Variants in CTNNA2 observed in about 807,000 individuals in gnomAD.
The protein encoded by CTNNA2 is catenin alpha-2.
In CTNNA2, 42 loss-of-function variants were observed where a neutral mutation model predicts 101.0. That is an observed-to-expected ratio of 0.42 (90% CI 0.32 to 0.54). The LOEUF (loss-of-function observed/expected upper bound fraction) is 0.54, where lower values mean the gene tolerates loss of function less well. Ranked by LOEUF, CTNNA2 falls within the 20% of genes least tolerant of loss-of-function variation. CTNNA2 has a pLI of 0.14. For synonymous variants in CTNNA2, 450 were observed against 456.4 expected (o/e 0.99, Z 0.18); for missense variants, 871 against 1,223.1 (o/e 0.71, Z 4.29).
intron 3 of CTNNA2, among the ~76,000 whole-genome samples, chr2:79,857,550 T>C (rs1574146820): frequency 6.6e-6 from 1 of 152,308 alleles, no homozygotes; most frequent in African/African-American, 2.4e-5. Flanking sequence ...TGTTCTTGTC[T>C]GATTAGCTCA....
chr2:79,539,734 T>C (rs73938719), intron 1 of CTNNA2, among the ~76,000 whole-genome samples: 1 of 152,176 alleles, frequency 6.6e-6, no homozygotes, highest in Non-Finnish European at 1.5e-5. Flanking sequence ...TGAAAGACTC[T>C]TGTGGACCAG....
At position 79,909,551 on chromosome 2, in the gene CTNNA2, T is replaced by G. The variant is rs375209107; in HGVS notation, c.853-43T>G. 112 of 1,528,962 alleles carry G rather than the reference T, an allele frequency of 7.3e-5. No individual in the cohort carries two copies. The African/African-American group carries it at 1.4e-3, about 19-fold the overall frequency. 94.7% of individuals were successfully genotyped at this position (1,528,962 alleles called of 1,614,324 possible). A position where few individuals can be genotyped will look rare whatever the true frequency, so the allele number is the denominator to read the frequency against. ...AAAACAGGGTGCCAAGGCAGACCTC[T>G]CTTCTCTGCTGATTTTTGTGTGTGT... On this transcript the variant is annotated intron_variant, in intron 6 of 18. Coordinates refer to ENST00000402739, the MANE Select transcript of CTNNA2 (RefSeq NM_001282597.3).
intron 7 of CTNNA2, among the ~76,000 whole-genome samples, chr2:80,099,936 T>G (rs10192968): frequency 1.1e-3 from 166 of 152,166 alleles, no homozygotes; most frequent in African/African-American, 3.7e-3. Context: ...CTTTATTTTT[T>G]TTGTTGTTGT....
chr2:80,209,539 G>A (rs759006052), intron 7 of CTNNA2, among the ~76,000 whole-genome samples: 5 of 151,806 alleles, frequency 3.3e-5, no homozygotes, highest in Non-Finnish European at 5.9e-5. Context: ...CTCCATAACC[G>A]ATGTTCAGAT....
intron 4 of CTNNA2, among the ~76,000 whole-genome samples, chr2:79,451,846 A>G (rs1207175596): frequency 5.3e-5 from 8 of 151,794 alleles, no homozygotes; most frequent in African/African-American, 1.9e-4. Context: ...TATAGTGAAT[A>G]TTATATTTTG....
chr2:80,143,899 GAT>G (rs1276335882), intron 7 of CTNNA2, among the ~76,000 whole-genome samples: 1 of 152,090 alleles, frequency 6.6e-6, no homozygotes, highest in Non-Finnish European at 1.5e-5. Context: ...AGAGAATTTA[GAT>G]TTTAAAATAT....
intron 12 of CTNNA2, among the ~76,000 whole-genome samples, chr2:80,568,781 A>G (rs1231889729): frequency 6.6e-6 from 1 of 152,162 alleles, no homozygotes; most frequent in Non-Finnish European, 1.5e-5. Flanking sequence ...ATTCATGGAT[A>G]TGTTGCTGTG....
intron 15 of CTNNA2, among the ~76,000 whole-genome samples, chr2:80,597,352 A>G (rs969076031): frequency 6.6e-6 from 1 of 152,178 alleles, no homozygotes; most frequent in African/African-American, 2.4e-5. Context: ...AAAACCAAAC[A>G]AACAAACAAA....
intron 7 of CTNNA2, among the ~76,000 whole-genome samples, chr2:80,076,301 T>C (rs1468369129): frequency 6.6e-6 from 1 of 151,600 alleles, no homozygotes; most frequent in Non-Finnish European, 1.5e-5. Context: ...CTTTTTTAGA[T>C]AGGATCTCAC....
At chr2:79,599,281 C>T (rs958912383) in intron 1 of CTNNA2, among the ~76,000 whole-genome samples, 1 of 152,072 alleles carries the variant, frequency 6.6e-6, no homozygotes, top group African/African-American at 2.4e-5. Flanking sequence ...GTTGGCTCTT[C>T]TGGATCTAAA....
chr2:79,487,277 G>A (rs1464295488), intron 4 of CTNNA2, among the ~76,000 whole-genome samples: 1 of 152,136 alleles, frequency 6.6e-6, no homozygotes, highest in Admixed American at 6.5e-5. Context: ...TTTAGTTATT[G>A]TAAACATAAG....
intron 6 of CTNNA2, among the ~76,000 whole-genome samples, chr2:79,897,440 T>G (rs1385247998): frequency 6.6e-6 from 1 of 152,152 alleles, no homozygotes; most frequent in African/African-American, 2.4e-5. Flanking sequence ...AGTATTACAT[T>G]AAAAATAGCT....
intron 7 of CTNNA2, among the ~76,000 whole-genome samples, chr2:80,193,171 T>A (rs1706628503): frequency 6.6e-6 from 1 of 152,226 alleles, no homozygotes; most frequent in Non-Finnish European, 1.5e-5. Flanking sequence ...TAATAATAGT[T>A]CATTGGTAAC....
At chr2:80,263,353 A>G (rs890681838) in intron 7 of CTNNA2, among the ~76,000 whole-genome samples, 1 of 152,230 alleles carries the variant, frequency 6.6e-6, no homozygotes, top group Non-Finnish European at 1.5e-5. Flanking sequence ...TTTATTTATT[A>G]GATAGAGTTT....
At chr2:80,585,885 A>G (rs1402772767) in intron 14 of CTNNA2, among the ~76,000 whole-genome samples, 1 of 152,238 alleles carries the variant, frequency 6.6e-6, no homozygotes, top group Admixed American at 6.5e-5. Flanking sequence ...GCTCATTGAT[A>G]GCTACATAAG....
chr2:79,909,340 C>T (rs1035479883), intron 6 of CTNNA2, among the ~76,000 whole-genome samples: 1 of 152,216 alleles, frequency 6.6e-6, no homozygotes, highest in African/African-American at 2.4e-5. Flanking sequence ...TTTGAAAGCT[C>T]TTCCGTTGAG....
At chr2:80,278,726 T>C (rs1268182269) in intron 7 of CTNNA2, among the ~76,000 whole-genome samples, 1 of 152,082 alleles carries the variant, frequency 6.6e-6, no homozygotes, top group African/African-American at 2.4e-5. Flanking sequence ...CGGACTAAAA[T>C]TCTCTTTCTA....
intron 5 of CTNNA2, among the ~76,000 whole-genome samples, chr2:79,873,289 C>A (rs1024596605): frequency 5.9e-5 from 9 of 152,014 alleles, no homozygotes; most frequent in Admixed American, 3.3e-4. Flanking sequence ...TTCTTGGTGG[C>A]TTGGTTTTTA....
At chr2:80,456,326 G>A (rs1683974904) in intron 9 of CTNNA2, among the ~76,000 whole-genome samples, 1 of 152,176 alleles carries the variant, frequency 6.6e-6, no homozygotes, top group African/African-American at 2.4e-5. Context: ...CCTGCACTTT[G>A]GATGATCTGG....
Sources: gnomAD v4.1 joint callset for allele counts (sites outside exome capture counted in the v4.1 genomes callset) on GRCh38, gnomAD v4.1.1 for gene constraint, MANE v1.5 for transcripts, NCBI Gene and HGNC (gene_info 2026-07-23, HGNC 2026-07-21) for gene names.